The following RUFY1 variants were observed in gnomAD, a reference collection of about 807,000 sequenced individuals.
RUFY1 encodes RUN and FYVE domain-containing protein 1.
RUFY1 carries 54 observed loss-of-function variants against 94.6 expected under a neutral mutation model. The ratio of observed to expected loss-of-function variants is 0.57; its 90% CI spans 0.46 to 0.72. The LOEUF is 0.72. RUFY1 is among the 30% of genes least tolerant of loss of function. The pLI is 0.00. For synonymous variants in RUFY1, 396 were observed against 347.3 expected (o/e 1.14, Z -1.56); for missense variants, 883 against 883.9 (o/e 1.00, Z 0.01).
In RUFY1 at chr5:179,596,653, C is replaced by T. The variant is rs750875867; in HGVS notation, c.1603C>T (p.Leu535=). 5 of 1,608,056 alleles carry T rather than the reference C, an allele frequency of 3.1e-6. No individual in the cohort carries two copies. Among genetic ancestry groups the T allele is most frequent in the Non-Finnish European group, 4.2e-6 (5 of 1,177,980 alleles). ...ELGGRIGALQ[L]QLSQLHEQCS... is the part of the protein sequence containing the mutation. ...GGGCGGGAGGATCGGCGCCCTGCAG[C>T]TGCAGCTCTCCCAGCTGCACGAGCA... Residue 535 remains leucine, a synonymous_variant, in exon 13 of 18, where the codon CTG becomes TTG. Transcript: ENST00000319449.
chr5:179,578,105 G>A (rs2127536243), intron 6 of RUFY1, among the ~76,000 whole-genome samples: 1 of 152,230 alleles, frequency 6.6e-6, no homozygotes, highest in African/African-American at 2.4e-5. Context: ...ACAGGTATTT[G>A]TTGATCGTCT....
chr5:179,563,170 C>G (rs73330351), intron 3 of RUFY1, among the ~76,000 whole-genome samples: 10,655 of 152,192 alleles, frequency 0.07, 425 homozygotes, highest in South Asian at 0.11. Flanking sequence ...TAGAAAGGGT[C>G]TTAGGGATCC....
intron 7 of RUFY1, among the ~76,000 whole-genome samples, chr5:179,585,121 ACT>A (rs1230540001): frequency 6.6e-6 from 1 of 152,136 alleles, no homozygotes; most frequent in Non-Finnish European, 1.5e-5. Context: ...AAAGAGTAAG[ACT>A]CTGTCTCAAA....
At chr5:179,590,651 A>AT (rs1275512891) in intron 9 of RUFY1, among the ~76,000 whole-genome samples, 1 of 150,730 alleles carries the variant, frequency 6.6e-6, no homozygotes, top group Non-Finnish European at 1.5e-5. Flanking sequence ...CGCCCAGCTA[A>AT]TTTTTTTCTA....
intron 7 of RUFY1, among the ~76,000 whole-genome samples, chr5:179,582,688 A>G (rs1467688328): frequency 6.6e-6 from 1 of 151,934 alleles, no homozygotes; most frequent in African/African-American, 2.4e-5. Flanking sequence ...TACTAAAAAT[A>G]CAAAATTAGG....
At chr5:179,601,569 C>G (rs1182578914) in intron 14 of RUFY1, among the ~76,000 whole-genome samples, 3 of 151,024 alleles carry the variant, frequency 2.0e-5, no homozygotes, top group Non-Finnish European at 2.9e-5. Context: ...GCCTGTAATC[C>G]CAGCACTTTG....
Position 179,598,764 on chromosome 5 carries a change from G to A in RUFY1, c.1704G>A (p.Glu568=), listed in dbSNP as rs763688737. The change falls in exon 14 of 18, where the codon GAG becomes GAA. Residue 568 remains glutamate, a synonymous_variant. Transcript: ENST00000319449. ...CTCTTCAGCGCGAATTACAGCACGA[G>A]AAAGACACTTCCTCTCTACTCAGGA... is the stretch of plus-strand genomic sequence containing the variant. ...RQALQRELQH[E]KDTSSLLRME... is the part of the protein sequence containing the mutation. 1.9e-6 allele frequency: 3 copies of A among 1,614,082 alleles called. No individual in the cohort carries two copies. The highest frequency in any genetic ancestry group is 2.5e-6 in the Non-Finnish European group (3 of 1,180,046).
chr5:179,603,358 C>T (rs189204391), intron 15 of RUFY1, among the ~76,000 whole-genome samples: 657 of 152,234 alleles, frequency 4.3e-3, no homozygotes, highest in African/African-American at 0.015. Context: ...GGCCACTCGC[C>T]GTCTCTCCTG....
Position 179,597,692 on chromosome 5 carries a change from A to G in RUFY1, c.1632-1000A>G, listed in dbSNP as rs953251650. On this transcript the variant is annotated intron_variant, in intron 13 of 17. Transcript: ENST00000319449. ...TGGCCTATAGATTTTTTGAGATAAT[A>G]TATATGCCAAGTTAAAAGCCTGATG... Among the ~76,000 whole-genome samples the G allele has an allele frequency of 5.3e-5, 8 of 152,022 alleles. No individual in the cohort carries two copies. The East Asian group carries it at 1.4e-3, about 26-fold the overall frequency.
At chr5:179,586,778 C>T (rs1258998523) in intron 8 of RUFY1, among the ~76,000 whole-genome samples, 1 of 152,180 alleles carries the variant, frequency 6.6e-6, no homozygotes, top group African/African-American at 2.4e-5. Context: ...GGATTGGAGG[C>T]TTCACAGTCA....
At chr5:179,604,909 A>G (rs1272918015) in intron 15 of RUFY1, among the ~76,000 whole-genome samples, 1 of 150,080 alleles carries the variant, frequency 6.7e-6, no homozygotes, top group Non-Finnish European at 1.5e-5. Context: ...GCTTGAGCCC[A>G]GGAAGCAGAG....
Position 179,562,583 on chromosome 5 carries a change from T to G in RUFY1, c.521T>G (p.Phe174Cys). 2 of 1,611,108 alleles carry G rather than the reference T, an allele frequency of 1.2e-6. No individual in the cohort carries two copies. The highest frequency in any genetic ancestry group is 1.1e-5 in the South Asian group (1 of 90,994). ...TTTATTGGCCAAAATAAATCATTCT[T>G]TGGTCCTTTGGAGCTGGTGGAGAAA... Reference protein sequence around the residue: ...KSFIGQNKSFFGPLELVEKLC... With the variant: ...KSFIGQNKSFCGPLELVEKLC... The change falls in exon 3 of 18, where the codon TTT (phenylalanine) becomes TGT (cysteine). Residue 174 changes from phenylalanine to cysteine, a missense_variant. By Grantham distance (205) the Phe-to-Cys change is radical (BLOSUM62 -2). Transcript: ENST00000319449.
At chr5:179,582,516 C>T (rs571213261) in intron 7 of RUFY1, among the ~76,000 whole-genome samples, 2 of 152,288 alleles carry the variant, frequency 1.3e-5, no homozygotes, top group East Asian at 1.9e-4. Context: ...TGAGCCACCT[C>T]GCCCAGCCAG....
intron 6 of RUFY1, among the ~76,000 whole-genome samples, chr5:179,578,245 G>C (rs1763813348): frequency 6.6e-6 from 1 of 152,064 alleles, no homozygotes; most frequent in Non-Finnish European, 1.5e-5. Context: ...ATGGATTCTC[G>C]CTCTGTCGCC....
intron 7 of RUFY1, among the ~76,000 whole-genome samples, chr5:179,582,415 CAG>C (rs1483511905): frequency 1.3e-5 from 2 of 152,088 alleles, no homozygotes; most frequent in Non-Finnish European, 2.9e-5. Flanking sequence ...TTTGTAGAGA[CAG>C]GGTCTCACTT....
rs575906829 is a variant in RUFY1, at chr5:179,598,765, A to G, written c.1705A>G (p.Lys569Glu). 1.1e-5 allele frequency: 18 copies of G among 1,614,176 alleles called. No individual in the cohort carries two copies. The South Asian group carries it at 1.6e-4, about 15-fold the overall frequency. ...QALQRELQHE[K>E]DTSSLLRMEL... ...TCTTCAGCGCGAATTACAGCACGAG[A>G]AAGACACTTCCTCTCTACTCAGGAT... Residue 569 changes from lysine (K) to glutamate (E), a missense_variant, in exon 14 of 18, where the codon AAA (lysine) becomes GAA (glutamate). Transcript: ENST00000319449.
chr5:179,569,934 C>CG (rs753588074), intron 5 of RUFY1, among the ~76,000 whole-genome samples: 5 of 152,104 alleles, frequency 3.3e-5, no homozygotes, highest in East Asian at 1.9e-4. Flanking sequence ...TTAATAGAGA[C>CG]GGGGTTTCAC....
rs185385490 is a variant in RUFY1, at chr5:179,580,461, C to G, written c.891-486C>G. Among the ~76,000 whole-genome samples, 15 of 151,732 alleles carry G rather than the reference C, an allele frequency of 9.9e-5. No individual in the cohort carries two copies. In the East Asian group the frequency reaches 2.9e-3, roughly 29 times the overall value. On this transcript the variant is annotated intron_variant, in intron 6 of 17. Coordinates refer to ENST00000319449, the MANE Select transcript of RUFY1 (RefSeq NM_025158.5). ...GTTTCACCGTGTTAGCCAGGATGGT[C>G]TCCATCTCCTGACCTCGTGATCTGC...
intron 7 of RUFY1, among the ~76,000 whole-genome samples, chr5:179,583,958 C>G (rs1222571333): frequency 6.6e-6 from 1 of 151,896 alleles, no homozygotes; most frequent in East Asian, 1.9e-4. Flanking sequence ...CCGTGTTAGC[C>G]AGGATGGTCT....
Sources: allele counts gnomAD v4.1 joint callset (sites outside exome capture counted in the v4.1 genomes callset), GRCh38; gene constraint gnomAD v4.1.1; transcripts MANE v1.5; gene names NCBI Gene and HGNC (gene_info 2026-07-23, HGNC 2026-07-21).